Variants in KCND2 observed in about 807,000 individuals in gnomAD.
KCND2 encodes the protein A-type voltage-gated potassium channel KCND2.
Under a neutral mutation model 54.4 loss-of-function variants are expected in KCND2, and 16 were observed. That is an observed-to-expected ratio of 0.29 (90% CI 0.20 to 0.45). KCND2 has a LOEUF of 0.45. Ranked by LOEUF, KCND2 falls within the 20% of genes least tolerant of loss-of-function variation. KCND2 has a pLI of 1.00. For synonymous variants in KCND2, 317 were observed against 310.7 expected, an observed-to-expected ratio of 1.02 and a Z score of -0.21; for missense variants, 486 against 824.2, an observed-to-expected ratio of 0.59 and a Z score of 5.02.
chr7:120,702,389 T>A (rs1316501172), intron 1 of KCND2, among the ~76,000 whole-genome samples: 2 of 152,184 alleles, frequency 1.3e-5, no homozygotes, highest in Non-Finnish European at 2.9e-5. Flanking sequence ...TGGTGATTTC[T>A]CAAAGAGCTA....
chr7:120,449,491 C>G (rs544856992), intron 1 of KCND2, among the ~76,000 whole-genome samples: 88 of 152,208 alleles, frequency 5.8e-4, no homozygotes, highest in African/African-American at 2.1e-3. Context: ...TAATCTGTTC[C>G]TAGTTTGTCT....
chr7:120,652,687 T>A (rs1033871864), intron 1 of KCND2, among the ~76,000 whole-genome samples: 5 of 152,120 alleles, frequency 3.3e-5, no homozygotes, highest in Non-Finnish European at 7.3e-5. Context: ...GGAGGCAAAC[T>A]GTCTTTATGG....
chr7:120,513,239 G>A (rs969139398), intron 1 of KCND2, among the ~76,000 whole-genome samples: 4 of 152,068 alleles, frequency 2.6e-5, no homozygotes, highest in Non-Finnish European at 4.4e-5. Flanking sequence ...AGCAGGTTTC[G>A]ACATATGTAC....
Position 120,698,022 on chromosome 7 carries a change from C to CTTTTTTTTTTTTTT in KCND2, c.1116-34871_1116-34858dup, listed in dbSNP as rs35589294. On this transcript the variant is annotated intron_variant, in intron 1 of 5. Coordinates refer to ENST00000331113, the MANE Select transcript of KCND2 (RefSeq NM_012281.3). ...GCATATTTGGATATATAGATTTGCC[C>CTTTTTTTTTTTTTT]TTTTTTTTTTTTTTTTTTTTTTTGG... 8.2e-5 allele frequency among the ~76,000 whole-genome samples: 7 copies of CTTTTTTTTTTTTTT among 85,594 alleles called. 1 individual carries two copies. The highest frequency in any genetic ancestry group is 1.1e-4 in the Non-Finnish European group (5 of 46,798). The allele number at this position is 85,594 out of a possible 152,430, so 56.2% of individuals were successfully genotyped here. A position where few individuals can be genotyped will look rare whatever the true frequency, so the allele number is the denominator to read the frequency against.
At chr7:120,547,329 T>C (rs1267203542) in intron 1 of KCND2, among the ~76,000 whole-genome samples, 2 of 151,926 alleles carry the variant, frequency 1.3e-5, no homozygotes, top group Non-Finnish European at 2.9e-5. Flanking sequence ...CATTCTCCAT[T>C]CTACTCTAAT....
chr7:120,495,539 T>A (rs1274634424), intron 1 of KCND2, among the ~76,000 whole-genome samples: 1 of 152,188 alleles, frequency 6.6e-6, no homozygotes, highest in Non-Finnish European at 1.5e-5. Context: ...ATCAACCTAA[T>A]GCATTTTAAT....
chr7:120,583,787 G>T (rs1031887816), intron 1 of KCND2, among the ~76,000 whole-genome samples: 2 of 149,644 alleles, frequency 1.3e-5, no homozygotes, highest in African/African-American at 2.5e-5. Context: ...GGAATTGTGG[G>T]GGGGGGGACA....
At chr7:120,696,497 T>C (rs1792333841) in intron 1 of KCND2, among the ~76,000 whole-genome samples, 1 of 152,212 alleles carries the variant, frequency 6.6e-6, no homozygotes, top group African/African-American at 2.4e-5. Context: ...AACCATAAAT[T>C]GTATTGTTTG....
At chr7:120,447,778 A>T (rs1337782089) in intron 1 of KCND2, among the ~76,000 whole-genome samples, 1 of 152,116 alleles carries the variant, frequency 6.6e-6, no homozygotes, top group Non-Finnish European at 1.5e-5. Flanking sequence ...AAGCATCTTA[A>T]ATTCTTTTGG....
chr7:120,543,228 T>C (rs1792003443), intron 1 of KCND2, among the ~76,000 whole-genome samples: 1 of 151,682 alleles, frequency 6.6e-6, no homozygotes, highest in Admixed American at 6.6e-5. Context: ...GGTTTTGCCC[T>C]TTTTTTTCAC....
At chr7:120,525,037 T>C (rs1791756259) in intron 1 of KCND2, among the ~76,000 whole-genome samples, 1 of 152,176 alleles carries the variant, frequency 6.6e-6, no homozygotes, top group Non-Finnish European at 1.5e-5. Context: ...TGAGTTATTA[T>C]TATGGTTTAT....
chr7:120,537,155 A>C (rs989910627), intron 1 of KCND2, among the ~76,000 whole-genome samples: 1 of 152,202 alleles, frequency 6.6e-6, no homozygotes, highest in Non-Finnish European at 1.5e-5. Context: ...TGCAGGATAC[A>C]TGTTACGTTA....
intron 1 of KCND2, among the ~76,000 whole-genome samples, chr7:120,604,496 C>G (rs1334327556): frequency 1.4e-5 from 2 of 141,132 alleles, no homozygotes; most frequent in Non-Finnish European, 3.0e-5. Flanking sequence ...GAGCAAGACT[C>G]CATCTAAAAA....
chr7:120,679,103 G>T (rs1283594372), intron 1 of KCND2, among the ~76,000 whole-genome samples: 2 of 151,672 alleles, frequency 1.3e-5, no homozygotes, highest in Non-Finnish European at 2.9e-5. Flanking sequence ...ATTCCATCTG[G>T]TAGCCTACCC....
At chr7:120,730,597 A>G (rs1398773934) in intron 1 of KCND2, among the ~76,000 whole-genome samples, 1 of 152,170 alleles carries the variant, frequency 6.6e-6, no homozygotes, top group Non-Finnish European at 1.5e-5. Context: ...TTTTTGTACT[A>G]TAAATTAATA....
intron 1 of KCND2, among the ~76,000 whole-genome samples, chr7:120,677,556 G>T (rs11981393): frequency 0.18 from 19,840 of 107,420 alleles, 1,759 homozygotes; most frequent in East Asian, 0.42. Context: ...TAGATATATA[G>T]ATATATAGAT....
At chr7:120,647,143 T>A (rs1793452002) in intron 1 of KCND2, among the ~76,000 whole-genome samples, 1 of 152,202 alleles carries the variant, frequency 6.6e-6, no homozygotes. Flanking sequence ...TTCAGCCTAA[T>A]CTTTGTGCAT....
intron 1 of KCND2, among the ~76,000 whole-genome samples, chr7:120,642,286 A>C (rs1236393633): frequency 1.3e-5 from 2 of 151,778 alleles, no homozygotes; most frequent in East Asian, 3.9e-4. Context: ...CCGGTGGCTC[A>C]CGCCTGTAAT....
intron 1 of KCND2, among the ~76,000 whole-genome samples, chr7:120,517,950 C>T (rs1803219663): frequency 6.6e-6 from 1 of 152,140 alleles, no homozygotes; most frequent in Non-Finnish European, 1.5e-5. Context: ...TTCTTCTCTG[C>T]ATTCCCTACA....
Sources: allele counts gnomAD v4.1 joint callset (sites outside exome capture counted in the v4.1 genomes callset), GRCh38; gene constraint gnomAD v4.1.1; transcripts MANE v1.5; gene names NCBI Gene and HGNC (gene_info 2026-07-23, HGNC 2026-07-21).